Variants in AGPAT3 observed in about 807,000 individuals in gnomAD.
AGPAT3 encodes the protein 1-acylglycerol-3-phosphate O-acyltransferase 3, also known as 1-acyl-sn-glycerol-3-phosphate acyltransferase gamma.
A neutral mutation model predicts 47.3 loss-of-function variants in AGPAT3; 5 were observed. The ratio of observed to expected loss-of-function variants is 0.11; its 90% CI spans 0.06 to 0.22. The LOEUF is 0.22. Ranked by LOEUF, AGPAT3 falls within the 10% of genes least tolerant of loss-of-function variation. AGPAT3 has a pLI of 1.00. For missense variants in AGPAT3, 315 were observed against 493.0 expected, an observed-to-expected ratio of 0.64 and a Z score of 3.42; for synonymous variants, 212 against 208.3, an observed-to-expected ratio of 1.02 and a Z score of -0.15.
chr21:43,894,162 A>T (rs886605742), intron 1 of AGPAT3, among the ~76,000 whole-genome samples: 1 of 150,662 alleles, frequency 6.6e-6, no homozygotes, highest in Non-Finnish European at 1.5e-5. Context: ...TGGCAAAAAG[A>T]TTATATTAGC....
Position 43,952,937 on chromosome 21 carries a change from T to C in AGPAT3, c.-48-6697T>C, listed in dbSNP as rs115183096. Among the ~76,000 whole-genome samples, 516 of 152,212 alleles carry C rather than the reference T, an allele frequency of 3.4e-3. 6 individuals carry two copies. The highest frequency in any genetic ancestry group is 0.012 in the African/African-American group (493 of 41,536). On this transcript the variant is annotated intron_variant, in intron 2 of 9. Transcript: ENST00000291572. This position sits in a 1 kb window ranked among gnomAD's most constrained non-coding sequence, Gnocchi z 5.6. ...CCAGGGTGCTGGGGGCTGCCCAGGCTATCTGCTGCGGTCAGGGTGTCAGTG... is the reference window on the plus strand; with the variant it reads ...CCAGGGTGCTGGGGGCTGCCCAGGCCATCTGCTGCGGTCAGGGTGTCAGTG...
intron 2 of AGPAT3, among the ~76,000 whole-genome samples, chr21:43,935,026 G>A (rs981989221): frequency 3.4e-5 from 5 of 147,470 alleles, no homozygotes; most frequent in African/African-American, 1.3e-4. Context: ...CCCATGTGCC[G>A]TCCACCACCC....
At position 43,981,402 on chromosome 21, in the gene AGPAT3, C is replaced by A; in HGVS notation, c.1042+215C>A. ...GCCTCCCCAGAGAGCCGAACGGCCG[C>A]CACCTGGCGCCATCCCCACTGCAGC... On this transcript the variant is annotated intron_variant, in intron 9 of 9. Coordinates refer to ENST00000291572, the MANE Select transcript of AGPAT3 (RefSeq NM_020132.5). This position sits in a 1 kb window ranked among gnomAD's most constrained non-coding sequence, Gnocchi z 5.3. 1.7e-6 allele frequency: 1 copy of A among 598,722 alleles called. No homozygotes were observed. The highest frequency in any genetic ancestry group is 2.0e-5 in the South Asian group (1 of 49,650). 37.1% of individuals were successfully genotyped at this position (598,722 alleles called of 1,614,324 possible).
chr21:43,904,387 C>T (rs962823359), intron 2 of AGPAT3, among the ~76,000 whole-genome samples: 3 of 152,206 alleles, frequency 2.0e-5, no homozygotes, highest in Admixed American at 6.5e-5. Context: ...GCTCTGTTAG[C>T]AGCCCAGGAA....
Position 43,865,273 on chromosome 21 carries a change from G to C in AGPAT3, c.-184G>C, listed in dbSNP as rs938191881. Reference sequence around the variant, plus strand: ...CGGGCCGGGCCCAGGGCCGAGGAGCGCGGCGGCCAGAGCGGGGCCGCGGAG... The same window carrying C: ...CGGGCCGGGCCCAGGGCCGAGGAGCCCGGCGGCCAGAGCGGGGCCGCGGAG... On this transcript the variant is annotated 5_prime_UTR_variant, in exon 1 of 10. Coordinates refer to ENST00000291572, the MANE Select transcript of AGPAT3 (RefSeq NM_020132.5). The C allele has an allele frequency of 1.4e-5, 2 of 147,104 alleles. No individual in the cohort carries two copies. Among genetic ancestry groups the C allele is most frequent in the African/African-American group, 4.9e-5 (2 of 40,812 alleles). The allele number at this position is 147,104 out of a possible 1,614,324, so 9.1% of individuals were successfully genotyped here. A position where few individuals can be genotyped will look rare whatever the true frequency, so the allele number is the denominator to read the frequency against.
rs552986403 is a variant in AGPAT3 at position 43,968,169 on chromosome 21, C to G, written c.348+54C>G. 6 of 1,441,844 alleles carry G rather than the reference C, an allele frequency of 4.2e-6. No individual in the cohort carries two copies. The African/African-American group carries it at 9.1e-5, about 22-fold the overall frequency. 89.3% of individuals were successfully genotyped at this position (1,441,844 alleles called of 1,614,324 possible). On this transcript the variant is annotated intron_variant, in intron 4 of 9. Coordinates refer to ENST00000291572, the MANE Select transcript of AGPAT3 (RefSeq NM_020132.5). Reference sequence around the variant, plus strand: ...GTGAGCAGGAGGGTCCCGGGGAGGGCCGGGGGTGAGCGGGGACCCAGGGAG... The same window carrying G: ...GTGAGCAGGAGGGTCCCGGGGAGGGGCGGGGGTGAGCGGGGACCCAGGGAG...
Position 43,981,024 on chromosome 21 carries a change from G to T in AGPAT3, c.879G>T (p.Met293Ile). The T allele has an allele frequency of 6.2e-7, 1 of 1,614,194 alleles. No individual in the cohort carries two copies. Residue 293 changes from methionine (M) to isoleucine (I), a missense_variant, in exon 9 of 10, where the codon ATG becomes ATT. Transcript: ENST00000291572. This position sits in a 1 kb window ranked among gnomAD's most constrained non-coding sequence, Gnocchi z 5.3. The stretch of plus-strand genomic sequence containing the variant: ...AGGAGATATATAATCAGAAGGGCAT[G>T]TTTCCAGGGGAGCAGTTTAAGCCTG... ...ALQEIYNQKG[M>I]FPGEQFKPAR...
rs1405533095 is a variant in AGPAT3, at chr21:43,976,865, G to T, written c.768-1181G>T. On this transcript the variant is annotated intron_variant, in intron 7 of 9. Transcript: ENST00000291572. ...GGGCGCTGTGGACGTGGCAGCCCCTGAATCCCAGCTCCCGTACACACAGTA... is the reference window on the plus strand; with the variant it reads ...GGGCGCTGTGGACGTGGCAGCCCCTTAATCCCAGCTCCCGTACACACAGTA... Among the ~76,000 whole-genome samples, 3 of 152,168 alleles carry T rather than the reference G, an allele frequency of 2.0e-5. No individual in the cohort carries two copies. The East Asian group carries it at 5.8e-4, about 29-fold the overall frequency.
At chr21:43,949,768 G>A (rs185399787) in intron 2 of AGPAT3, among the ~76,000 whole-genome samples, 2 of 152,304 alleles carry the variant, frequency 1.3e-5, no homozygotes, top group Non-Finnish European at 2.9e-5. Flanking sequence ...TGAAGCTTTT[G>A]TTTAGGTATT....
chr21:43,941,630 G>A (rs765507916), intron 2 of AGPAT3, among the ~76,000 whole-genome samples: 6 of 152,206 alleles, frequency 3.9e-5, no homozygotes, highest in Non-Finnish European at 5.9e-5. Flanking sequence ...GAGCAAGGGG[G>A]TCGGTCATTG....
At chr21:43,872,716 C>A (rs887829528) in intron 1 of AGPAT3, among the ~76,000 whole-genome samples, 1 of 152,180 alleles carries the variant, frequency 6.6e-6, no homozygotes, top group African/African-American at 2.4e-5. Context: ...TGGGCCAGGC[C>A]CTCCTGAGCA....
At chr21:43,876,345 T>C (rs763606909) in intron 1 of AGPAT3, among the ~76,000 whole-genome samples, 2 of 152,224 alleles carry the variant, frequency 1.3e-5, no homozygotes, top group African/African-American at 2.4e-5. Context: ...TACCTCTTGC[T>C]CCCTGATCCT....
At chr21:43,881,569 G>A (rs1340580272) in intron 1 of AGPAT3, among the ~76,000 whole-genome samples, 1 of 152,234 alleles carries the variant, frequency 6.6e-6, no homozygotes, top group Non-Finnish European at 1.5e-5. Flanking sequence ...ATATGAAAGA[G>A]AATGTAAGTG....
rs749496995 is a variant in AGPAT3 at position 43,933,903 on chromosome 21, C to T, written c.-48-25731C>T. The stretch of plus-strand genomic sequence containing the variant: ...AGAGGGTTAGAACTGAGCAGCAGGA[C>T]GGGGTCTGTGGGTGCACGAGAGGAG... On this transcript the variant is annotated intron_variant, in intron 2 of 9. Transcript: ENST00000291572. This position sits in a 1 kb window ranked among gnomAD's most constrained non-coding sequence, Gnocchi z 6.0. Among the ~76,000 whole-genome samples the T allele has an allele frequency of 9.9e-5, 15 of 152,178 alleles. No homozygotes were observed. The highest frequency in any genetic ancestry group is 2.7e-4 in the African/African-American group (11 of 41,446).
Position 43,939,139 on chromosome 21 carries a change from G to A in AGPAT3, c.-48-20495G>A, listed in dbSNP as rs1314694629. Among the ~76,000 whole-genome samples, 2 of 152,198 alleles carry A rather than the reference G, an allele frequency of 1.3e-5. No homozygotes were observed. Among genetic ancestry groups the A allele is most frequent in the African/African-American group, 4.8e-5 (2 of 41,446 alleles). On this transcript the variant is annotated intron_variant, in intron 2 of 9. Transcript: ENST00000291572. This position sits in a 1 kb window ranked among gnomAD's most constrained non-coding sequence, Gnocchi z 4.4. ...TGGGGACAGGTTCGTTGTGTCTGAT[G>A]CCGTGGGAGATGCACGAGCAGTGAC...
At chr21:43,938,134 A>G (rs1418104201) in intron 2 of AGPAT3, among the ~76,000 whole-genome samples, 1 of 151,822 alleles carries the variant, frequency 6.6e-6, no homozygotes, top group Admixed American at 6.6e-5. Flanking sequence ...ACACACACAC[A>G]CACACACTCA....
intron 1 of AGPAT3, among the ~76,000 whole-genome samples, chr21:43,897,420 T>G (rs1477927499): frequency 6.6e-6 from 1 of 152,042 alleles, no homozygotes; most frequent in African/African-American, 2.4e-5. Flanking sequence ...CCCTTTTCTA[T>G]TCGACAAAAC....
chr21:43,867,993 C>T (rs1344291046), intron 1 of AGPAT3, among the ~76,000 whole-genome samples: 2 of 152,150 alleles, frequency 1.3e-5, no homozygotes, highest in African/African-American at 4.8e-5. Context: ...TTCTAAATTA[C>T]CAATTTCAAA....
intron 2 of AGPAT3, among the ~76,000 whole-genome samples, chr21:43,945,670 A>G (rs747282635): frequency 6.6e-6 from 1 of 152,124 alleles, no homozygotes; most frequent in Non-Finnish European, 1.5e-5. Flanking sequence ...TGCACTGTCC[A>G]GGCCAAGGGT....
Sources: allele counts gnomAD v4.1 joint callset (sites outside exome capture counted in the v4.1 genomes callset), GRCh38; gene constraint gnomAD v4.1.1; non-coding constraint Gnocchi (gnomAD v3.1); transcripts MANE v1.5; gene names NCBI Gene and HGNC (gene_info 2026-07-23, HGNC 2026-07-21).